The following LRP1B variants were observed in gnomAD, a reference collection of about 807,000 sequenced individuals.
LRP1B encodes LDL receptor related protein 1B.
LRP1B carries 217 observed loss-of-function variants against 556.6 expected under a neutral mutation model. The ratio of observed to expected loss-of-function variants is 0.39; its 90% CI spans 0.35 to 0.44. The LOEUF is 0.44. Among genes scored for constraint, LRP1B ranks in the 20% least tolerant of loss-of-function variants. LRP1B has a pLI of 1.00. For missense variants in LRP1B, 5,053 were observed against 5,620.8 expected (o/e 0.90, Z 3.23); for synonymous variants, 2,047 against 1,865.8 (o/e 1.10, Z -2.50).
chr2:140,677,463 A>AGG (rs1196182254), intron 41 of LRP1B, among the ~76,000 whole-genome samples: 1 of 151,500 alleles, frequency 6.6e-6, no homozygotes, highest in African/African-American at 2.4e-5. Context: ...AGAGAGAGAG[A>AGG]AAAAAAACCA....
rs536380419 is a variant in LRP1B, at chr2:141,663,302, G to A, written c.205+146977C>T. On this transcript the variant is annotated intron_variant, in intron 2 of 90. Coordinates refer to ENST00000389484, the MANE Select transcript of LRP1B (RefSeq NM_018557.3). ...TTAGAGAACCAAGAGCAAACAAGCC[G>A]CAAAGCTAGAAGAAGACAAGAAATA... 3.4e-4 allele frequency among the ~76,000 whole-genome samples: 51 copies of A among 151,852 alleles called. No individual in the cohort carries two copies. In the South Asian group the frequency reaches 3.7e-3, roughly 11 times the overall value.
At chr2:140,312,644 T>A (rs1312606706) in intron 83 of LRP1B, among the ~76,000 whole-genome samples, 2 of 151,920 alleles carry the variant, frequency 1.3e-5, no homozygotes, top group African/African-American at 4.8e-5. Context: ...GCAAATTTCA[T>A]CTTAAATCTA....
intron 1 of LRP1B, among the ~76,000 whole-genome samples, chr2:141,885,530 T>C (rs10190657): frequency 0.42 from 63,179 of 152,030 alleles, 13,293 homozygotes; most frequent in South Asian, 0.54. Flanking sequence ...GAGCAGACCT[T>C]GAAGAGGTGC....
rs2105223267 is a variant in LRP1B, at chr2:140,903,086, A to G, written c.3600T>C (p.Pro1200=). The change falls in exon 23 of 91, where the codon CCT becomes CCC. Residue 1200 remains proline, a synonymous_variant. Transcript: ENST00000389484. ...TGTCTTTGTTGAGTTGAAGTCCTTC[A>G]GGGCAGGAACAGACAATTCCTCTTC... ...VPGRGIVCSC[P]EGLQLNKDNK... is the part of the protein sequence containing the mutation. The G allele has an allele frequency of 1.9e-6, 3 of 1,613,638 alleles. No homozygotes were observed. The highest frequency in any genetic ancestry group is 2.5e-6 in the Non-Finnish European group (3 of 1,179,730).
chr2:141,709,652 T>A (rs2105476017), intron 2 of LRP1B, among the ~76,000 whole-genome samples: 1 of 152,286 alleles, frequency 6.6e-6, no homozygotes, highest in Non-Finnish European at 1.5e-5. Context: ...CAGAATCTTT[T>A]CTGAGAGTAG....
At chr2:142,046,040 A>G (rs1362130760) in intron 1 of LRP1B, among the ~76,000 whole-genome samples, 1 of 151,962 alleles carries the variant, frequency 6.6e-6, no homozygotes, top group Non-Finnish European at 1.5e-5. Flanking sequence ...TCTTAAGCAA[A>G]CAAGGTGTAA....
chr2:142,035,820 T>G (rs995444359), intron 1 of LRP1B, among the ~76,000 whole-genome samples: 3 of 151,684 alleles, frequency 2.0e-5, no homozygotes, highest in Admixed American at 1.3e-4. Context: ...ACGTGAATTG[T>G]ATCTCCCAGA....
intron 1 of LRP1B, among the ~76,000 whole-genome samples, chr2:142,116,818 T>C (rs754216766): frequency 6.6e-6 from 1 of 152,160 alleles, no homozygotes; most frequent in Non-Finnish European, 1.5e-5. Context: ...GTATGAAGTC[T>C]GAAGTCAGTG....
chr2:141,541,307 A>G (rs1685251498), intron 2 of LRP1B, among the ~76,000 whole-genome samples: 1 of 152,052 alleles, frequency 6.6e-6, no homozygotes, highest in African/African-American at 2.4e-5. Context: ...GATCAGATTT[A>G]TGTTTTAGTT....
chr2:141,622,865 G>A (rs1688553623), intron 2 of LRP1B, among the ~76,000 whole-genome samples: 1 of 152,158 alleles, frequency 6.6e-6, no homozygotes, highest in Admixed American at 6.5e-5. Flanking sequence ...GAACTGCAGA[G>A]CTATGAAGTG....
chr2:142,123,741 A>T (rs1004070487), intron 1 of LRP1B, among the ~76,000 whole-genome samples: 9 of 151,512 alleles, frequency 5.9e-5, no homozygotes, highest in African/African-American at 1.9e-4. Flanking sequence ...TCTGTAAAGG[A>T]TATAGTTATA....
Position 141,382,542 on chromosome 2 carries a change from G to C in LRP1B, c.343+97854C>G, listed in dbSNP as rs1301866479. ...CTTACTGAAGTCGGGGACATAACCT[G>C]CCAGCGCAGAGGCCTGCTGAGAGAC... On this transcript the variant is annotated intron_variant, in intron 3 of 90. Coordinates refer to ENST00000389484, the MANE Select transcript of LRP1B (RefSeq NM_018557.3). Among the ~76,000 whole-genome samples, 3 of 152,166 alleles carry C rather than the reference G, an allele frequency of 2.0e-5. No homozygotes were observed. The East Asian group carries it at 5.8e-4, about 29-fold the overall frequency.
intron 1 of LRP1B, among the ~76,000 whole-genome samples, chr2:142,075,949 T>C (rs560936204): frequency 6.6e-6 from 1 of 152,250 alleles, no homozygotes; most frequent in South Asian, 2.1e-4. Context: ...TACTGCTCTG[T>C]AGGCTTCAAT....
At chr2:141,049,284 A>T (rs1558825197) in intron 10 of LRP1B, 62 bp from the exon 11 acceptor site, 2 of 1,046,022 alleles carry the variant, frequency 1.9e-6, no homozygotes. Context: ...TACACTGCAT[A>T]ATGCCACCGT....
intron 1 of LRP1B, among the ~76,000 whole-genome samples, chr2:142,054,182 T>G (rs1027796398): frequency 9.2e-5 from 14 of 152,138 alleles, no homozygotes; most frequent in Admixed American, 5.2e-4. Flanking sequence ...ATATGACATA[T>G]TGGAGGATGG....
At chr2:141,408,721 A>G (rs1208491810) in intron 3 of LRP1B, among the ~76,000 whole-genome samples, 6 of 152,066 alleles carry the variant, frequency 3.9e-5, no homozygotes, top group Non-Finnish European at 8.8e-5. Flanking sequence ...TTAAACACTG[A>G]TTTATTTCAC....
chr2:141,501,507 T>C (rs1683709671), intron 2 of LRP1B, among the ~76,000 whole-genome samples: 1 of 152,132 alleles, frequency 6.6e-6, no homozygotes, highest in Non-Finnish European at 1.5e-5. Flanking sequence ...TATACTACAG[T>C]ATAATTAAGT....
chr2:141,464,508 G>A (rs1682085375), intron 3 of LRP1B, among the ~76,000 whole-genome samples: 1 of 149,302 alleles, frequency 6.7e-6, no homozygotes, highest in Non-Finnish European at 1.5e-5. Context: ...TGCCTCCCGG[G>A]TTCACGCCAT....
chr2:141,799,975 C>T (rs1695954854), intron 2 of LRP1B, among the ~76,000 whole-genome samples: 2 of 152,122 alleles, frequency 1.3e-5, no homozygotes, highest in Admixed American at 1.3e-4. Context: ...CATATATACT[C>T]TTATGATCAT....
Sources: gnomAD v4.1 joint callset for allele counts (sites outside exome capture counted in the v4.1 genomes callset) on GRCh38, gnomAD v4.1.1 for gene constraint, MANE v1.5 for transcripts, NCBI Gene and HGNC (gene_info 2026-07-23, HGNC 2026-07-21) for gene names.